NEXMIF: variants seen among roughly 807,000 people sequenced by gnomAD.
NEXMIF encodes the protein neurite extension and migration factor, also known as XLMR protein related to neurite extension.
Under a neutral mutation model 62.1 loss-of-function variants are expected in NEXMIF, and 8 were observed. The observed-to-expected ratio is 0.13, with a 90% CI of 0.08 to 0.23. NEXMIF has a LOEUF of 0.23. Ranked by LOEUF, NEXMIF falls within the 10% of genes least tolerant of loss-of-function variation. NEXMIF has a pLI of 1.00. For missense variants in NEXMIF, 976 were observed against 1,113.3 expected, an observed-to-expected ratio of 0.88 and a Z score of 1.75; for synonymous variants, 404 against 416.6, an observed-to-expected ratio of 0.97 and a Z score of 0.37.
At chrX:74,844,140 T>G (rs2080483831) in intron 1 of NEXMIF, among the ~76,000 whole-genome samples, 3 of 111,817 alleles carry the variant, frequency 2.7e-5, no homozygotes, top group Non-Finnish European at 5.6e-5. Context: ...GGGCTTCAGC[T>G]GAGAGGTCTG....
At chrX:74,813,010 T>A (rs1411288078) in intron 1 of NEXMIF, among the ~76,000 whole-genome samples, 1 of 112,300 alleles carries the variant, frequency 8.9e-6, no homozygotes, top group Non-Finnish European at 1.9e-5. Flanking sequence ...CTGGCCTAGC[T>A]GTTTACTTTC....
chrX:74,776,841 G>A (rs189341851), intron 1 of NEXMIF, among the ~76,000 whole-genome samples: 4 of 110,615 alleles, frequency 3.6e-5, no homozygotes, highest in Non-Finnish European at 7.6e-5. Context: ...CCAGTTATAC[G>A]TTAGACTTAC....
intron 1 of NEXMIF, among the ~76,000 whole-genome samples, chrX:74,810,409 T>C (rs1245019154): frequency 9.0e-6 from 1 of 111,269 alleles, no homozygotes; most frequent in Non-Finnish European, 1.9e-5. Context: ...TGGTCTACCA[T>C]AGGTTTGACA....
chrX:74,871,270 C>G, intron 1 of NEXMIF, among the ~76,000 whole-genome samples: 1 of 111,230 alleles, frequency 9.0e-6, no homozygotes, highest in East Asian at 2.8e-4. Context: ...TGACCTCAAG[C>G]TGCAAAATCA....
At chrX:74,842,982 T>A (rs1160730514) in intron 1 of NEXMIF, among the ~76,000 whole-genome samples, 1 of 111,846 alleles carries the variant, frequency 8.9e-6, no homozygotes, top group African/African-American at 3.3e-5. Flanking sequence ...TCATGGTCTA[T>A]CAGATCCATT....
intron 1 of NEXMIF, among the ~76,000 whole-genome samples, chrX:74,840,912 T>C (rs1408681146): frequency 8.9e-6 from 1 of 111,821 alleles, no homozygotes; most frequent in Non-Finnish European, 1.9e-5. Flanking sequence ...AGTCAGATAA[T>C]GTGATACCTC....
chrX:74,877,506 T>G (rs1277814257), intron 1 of NEXMIF, among the ~76,000 whole-genome samples: 2 of 111,053 alleles, frequency 1.8e-5, no homozygotes, highest in Non-Finnish European at 3.8e-5. Flanking sequence ...TCTGGGGCGT[T>G]CTCTGTATTT....
At chrX:74,838,024 G>C (rs925491705) in intron 1 of NEXMIF, among the ~76,000 whole-genome samples, 1 of 111,472 alleles carries the variant, frequency 9.0e-6, no homozygotes, top group African/African-American at 3.3e-5. Context: ...GTGGATGGAG[G>C]AAATAATAAA....
chrX:74,914,789 T>C (rs1470876164), intron 1 of NEXMIF, among the ~76,000 whole-genome samples: 5 of 112,001 alleles, frequency 4.5e-5, no homozygotes, highest in Admixed American at 1.9e-4. Context: ...ACAACCAAAA[T>C]TTCTCCCTAC....
At chrX:74,753,715 G>GCGCA (rs750401922) in intron 1 of NEXMIF, among the ~76,000 whole-genome samples, 1 of 100,186 alleles carries the variant, frequency 1.0e-5, no homozygotes, top group African/African-American at 3.6e-5. Context: ...ACACACACAC[G>GCGCA]CACACACACA....
At chrX:74,769,282 C>T (rs1350404030) in intron 1 of NEXMIF, among the ~76,000 whole-genome samples, 2 of 111,156 alleles carry the variant, frequency 1.8e-5, no homozygotes, top group African/African-American at 3.3e-5. Flanking sequence ...CTCCAGGACT[C>T]GGTACAGAGT....
intron 1 of NEXMIF, among the ~76,000 whole-genome samples, chrX:74,887,373 A>T (rs1242864479): frequency 9.0e-6 from 1 of 111,178 alleles, no homozygotes; most frequent in African/African-American, 3.3e-5. Context: ...AACCTACAGA[A>T]TGGGAGAAAA....
intron 1 of NEXMIF, among the ~76,000 whole-genome samples, chrX:74,848,653 A>T (rs1446367695): frequency 8.9e-6 from 1 of 112,593 alleles, no homozygotes; most frequent in Non-Finnish European, 1.9e-5. Flanking sequence ...TAAAGATCAA[A>T]ATAGCTGAGA....
chrX:74,777,137 A>G (rs981149335), intron 1 of NEXMIF, among the ~76,000 whole-genome samples: 1 of 111,729 alleles, frequency 9.0e-6, no homozygotes, highest in Non-Finnish European at 1.9e-5. Context: ...TTTAACCCTT[A>G]CAAAAACCCT....
At position 74,782,674 on chromosome X, in the gene NEXMIF, C is replaced by T. The variant is rs148806279; in HGVS notation, c.-47-36977G>A. ...TTCTTCCTCCCACCCTCTTTATGTG[C>T]TTTCACTGCTAATTCTGGAATACCC... On this transcript the variant is annotated intron_variant, in intron 1 of 3. Transcript: ENST00000055682. Among the ~76,000 whole-genome samples the T allele has an allele frequency of 7.2e-3, 808 of 112,198 alleles. 11 individuals carry two copies. The highest frequency in any genetic ancestry group is 0.024 in the African/African-American group (753 of 30,908).
Position 74,734,902 on chromosome X carries a change from T to C in NEXMIF, c.*4503A>G, listed in dbSNP as rs1214450812. On this transcript the variant is annotated 3_prime_UTR_variant, in exon 4 of 4. Transcript: ENST00000055682. ...TGCTGGCTGAGGACCCTCAAGCTGA[T>C]GACAGTGTTTCCCAAGTTAAACAGC... The C allele has an allele frequency of 8.9e-6, 1 of 112,171 alleles. No homozygotes were observed. The highest frequency in any genetic ancestry group is 3.2e-5 in the African/African-American group (1 of 30,819). The allele number at this position is 112,171 out of a possible 1,213,427, so 9.2% of individuals were successfully genotyped here.
At chrX:74,739,891 C>A (rs1461246725) in intron 3 of NEXMIF, 6 of 406,473 alleles carry the variant, frequency 1.5e-5, no homozygotes, top group Non-Finnish European at 2.5e-5. Context: ...CAAGCCACAA[C>A]AAAATTGCCC....
chrX:74,794,848 G>A (rs887343435), intron 1 of NEXMIF, among the ~76,000 whole-genome samples: 9 of 111,618 alleles, frequency 8.1e-5, no homozygotes, highest in African/African-American at 2.6e-4. Flanking sequence ...TGCACAGTGC[G>A]CGCACCCACT....
chrX:74,818,157 C>T (rs1289259401), intron 1 of NEXMIF, among the ~76,000 whole-genome samples: 1 of 109,428 alleles, frequency 9.1e-6, no homozygotes, highest in African/African-American at 3.3e-5. Context: ...AAAAAGAGCC[C>T]AAATAGCCAA....
Sources: gnomAD v4.1 joint callset for allele counts (sites outside exome capture counted in the v4.1 genomes callset) on GRCh38, gnomAD v4.1.1 for gene constraint, MANE v1.5 for transcripts, NCBI Gene and HGNC (gene_info 2026-07-23, HGNC 2026-07-21) for gene names.